SOX5: variants seen among roughly 807,000 people sequenced by gnomAD.
SOX5 encodes transcription factor SOX-5.
A neutral mutation model predicts 92.0 loss-of-function variants in SOX5; 9 were observed. The observed-to-expected ratio is 0.10, with a 90% CI of 0.06 to 0.17. SOX5 has a LOEUF of 0.17. Ranked by LOEUF, SOX5 falls within the 10% of genes least tolerant of loss-of-function variation. The probability of loss-of-function intolerance (pLI) is 1.00; values close to 1 mark genes in which losing one functional copy is unlikely to be tolerated. For missense variants in SOX5, 642 were observed against 944.5 expected (o/e 0.68, Z 4.20); for synonymous variants, 344 against 336.3 (o/e 1.02, Z -0.25).
At chr12:23,578,434 C>G (rs1285770421) in intron 9 of SOX5, among the ~76,000 whole-genome samples, 2 of 151,490 alleles carry the variant, frequency 1.3e-5, no homozygotes, top group Admixed American at 6.6e-5. Flanking sequence ...CTGATGCACA[C>G]TCAAGTGTAA....
At chr12:23,636,716 T>C (rs1280517588) in intron 8 of SOX5, among the ~76,000 whole-genome samples, 3 of 152,222 alleles carry the variant, frequency 2.0e-5, no homozygotes, top group Admixed American at 1.3e-4. Flanking sequence ...TCTTTCATTA[T>C]TGCAAAGCAC....
At chr12:24,510,325 C>T (rs888567579) in intron 1 of SOX5, among the ~76,000 whole-genome samples, 9 of 152,204 alleles carry the variant, frequency 5.9e-5, no homozygotes, top group Admixed American at 3.3e-4. Flanking sequence ...GATAAATACA[C>T]ATCAACCAAC....
chr12:23,668,085 G>A (rs561095324), intron 6 of SOX5, among the ~76,000 whole-genome samples: 4 of 152,160 alleles, frequency 2.6e-5, no homozygotes, highest in Non-Finnish European at 5.9e-5. Context: ...CTTAAGTGCT[G>A]TCTAGTGTTT....
chr12:23,768,202 G>A (rs533903364), intron 3 of SOX5, among the ~76,000 whole-genome samples: 29 of 152,162 alleles, frequency 1.9e-4, no homozygotes, highest in Non-Finnish European at 3.7e-4. Context: ...AGGGATGGAT[G>A]CGTCCAATAA....
At chr12:23,535,203 C>G (rs1484603472) in intron 14 of SOX5, among the ~76,000 whole-genome samples, 2 of 152,014 alleles carry the variant, frequency 1.3e-5, no homozygotes, top group African/African-American at 4.8e-5. Context: ...AGTATTTTTC[C>G]CTAGAATTAA....
chr12:23,754,662 C>T (rs954473983), intron 4 of SOX5, among the ~76,000 whole-genome samples: 4 of 151,714 alleles, frequency 2.6e-5, no homozygotes, highest in Non-Finnish European at 5.9e-5. Flanking sequence ...GTCATGTAGG[C>T]CAAACATTTA....
intron 1 of SOX5, among the ~76,000 whole-genome samples, chr12:23,901,944 T>A (rs1051137308): frequency 1.3e-5 from 2 of 152,220 alleles, no homozygotes; most frequent in Admixed American, 6.5e-5. Flanking sequence ...TATCCTTTTT[T>A]AAATAATTTC....
chr12:23,691,158 G>A (rs556593531), intron 6 of SOX5, among the ~76,000 whole-genome samples: 1 of 152,178 alleles, frequency 6.6e-6, no homozygotes, highest in African/African-American at 2.4e-5. Flanking sequence ...CAGGCCAAAG[G>A]CAAGGAGGCC....
chr12:24,457,747 G>C (rs1943175766), intron 1 of SOX5, among the ~76,000 whole-genome samples: 2 of 152,118 alleles, frequency 1.3e-5, no homozygotes, highest in Admixed American at 6.5e-5. Context: ...AAGTGAAGGA[G>C]CTGTCTCCAT....
chr12:24,189,389 T>A (rs1469799225), intron 4 of SOX5, among the ~76,000 whole-genome samples: 2 of 152,228 alleles, frequency 1.3e-5, no homozygotes, highest in Non-Finnish European at 2.9e-5. Flanking sequence ...TAAGAAGTGA[T>A]ATTCAGGACA....
intron 4 of SOX5, among the ~76,000 whole-genome samples, chr12:24,048,927 T>TA (rs1957290912): frequency 6.6e-6 from 1 of 152,206 alleles, no homozygotes; most frequent in Non-Finnish European, 1.5e-5. Context: ...GAAAATGTTT[T>TA]AGCTTTGATT....
chr12:23,592,453 C>G (rs1951705025), intron 9 of SOX5, among the ~76,000 whole-genome samples: 1 of 152,136 alleles, frequency 6.6e-6, no homozygotes. Flanking sequence ...TTAAGTCCTG[C>G]AGCTCACAAG....
At chr12:24,544,117 C>T (rs1449916193) in intron 1 of SOX5, among the ~76,000 whole-genome samples, 2 of 152,058 alleles carry the variant, frequency 1.3e-5, no homozygotes, top group Non-Finnish European at 1.5e-5. Flanking sequence ...TGAGCAGGTA[C>T]TGTTAAATAT....
At chr12:24,123,137 T>C (rs1651155852) in intron 4 of SOX5, among the ~76,000 whole-genome samples, 2 of 152,378 alleles carry the variant, frequency 1.3e-5, no homozygotes, top group Admixed American at 1.3e-4. Context: ...GATACATGCA[T>C]GATCTTCAGA....
At chr12:23,625,683 C>T (rs2138231886) in intron 8 of SOX5, among the ~76,000 whole-genome samples, 1 of 152,284 alleles carries the variant, frequency 6.6e-6, no homozygotes, top group South Asian at 2.1e-4. Context: ...GATCTTGGCT[C>T]ACTGCAACCT....
intron 1 of SOX5, among the ~76,000 whole-genome samples, chr12:24,447,531 GA>G (rs370303708): frequency 0.01 from 1,584 of 151,840 alleles, 20 homozygotes; most frequent in East Asian, 0.051. Context: ...TGACACTACG[GA>G]AAAAAAACTA....
At chr12:23,572,224 T>C (rs2136603678) in intron 10 of SOX5, among the ~76,000 whole-genome samples, 1 of 152,326 alleles carries the variant, frequency 6.6e-6, no homozygotes. Flanking sequence ...ACTTAAGTCA[T>C]CTTTCAGTCC....
intron 1 of SOX5, among the ~76,000 whole-genome samples, chr12:24,538,892 T>C (rs946154970): frequency 1.3e-5 from 2 of 152,170 alleles, no homozygotes; most frequent in East Asian, 1.9e-4. Context: ...TGTTTTCTAA[T>C]CTATTACAGA....
At position 24,268,203 on chromosome 12, in the gene SOX5, TAA is replaced by T. The variant is rs1370888814; in HGVS notation, c.-77+9011_-77+9012del. On this transcript the variant is annotated intron_variant, in intron 3 of 4. Coordinates refer to the SOX5 transcript ENST00000446891. Reference sequence around the variant, plus strand: ...ACATACACTTGAAACACCCAGAAAATAAGTCTAATAATTTTATGCTAACCTAT... The same window carrying T: ...ACATACACTTGAAACACCCAGAAAATGTCTAATAATTTTATGCTAACCTAT... Among the ~76,000 whole-genome samples the T allele has an allele frequency of 2.6e-5, 4 of 152,188 alleles. No individual in the cohort carries two copies. In the East Asian group the frequency reaches 7.7e-4, roughly 29 times the overall value.
Sources: gnomAD v4.1 joint callset for allele counts (sites outside exome capture counted in the v4.1 genomes callset) on GRCh38, gnomAD v4.1.1 for gene constraint, MANE v1.5 for transcripts, NCBI Gene and HGNC (gene_info 2026-07-23, HGNC 2026-07-21) for gene names.